RAB38: variants seen among roughly 807,000 people sequenced by gnomAD.
RAB38 encodes ras-related protein Rab-38.
A neutral mutation model predicts 18.4 loss-of-function variants in RAB38; 15 were observed. That is an observed-to-expected ratio of 0.82 (90% CI 0.55 to 1.26). The LOEUF is 1.26. Ranked by LOEUF, RAB38 falls within the 50% of genes most tolerant of loss-of-function variation. The probability of loss-of-function intolerance (pLI) is 0.00; values close to 1 mark genes in which losing one functional copy is unlikely to be tolerated. For synonymous variants in RAB38, 101 were observed against 104.4 expected (o/e 0.97, Z 0.20); for missense variants, 294 against 267.4 (o/e 1.10, Z -0.69).
At chr11:88,122,396 A>C (rs1942641731) in intron 2 of RAB38, among the ~76,000 whole-genome samples, 1 of 152,268 alleles carries the variant, frequency 6.6e-6, no homozygotes, top group African/African-American at 2.4e-5. Flanking sequence ...AAAGATAAGC[A>C]TAAAGATTAT....
the RAB38 span, among the ~76,000 whole-genome samples, chr11:87,858,734 G>C: frequency 1.3e-5 from 2 of 151,976 alleles, no homozygotes; most frequent in East Asian, 3.9e-4. Flanking sequence ...ATGATGGACT[G>C]GTAACAATGG....
At chr11:87,978,009 T>TTA in the RAB38 span, among the ~76,000 whole-genome samples, 1,195 of 61,412 alleles carry the variant, frequency 0.019, 39 homozygotes, top group Middle Eastern at 0.1. Context: ...TATTTTAATA[T>TTA]TATATAAATA....
At chr11:88,067,794 T>C in the RAB38 span, among the ~76,000 whole-genome samples, 12 of 151,928 alleles carry the variant, frequency 7.9e-5, no homozygotes, top group African/African-American at 2.9e-4. Context: ...AAATACCTAA[T>C]GTATGTGGAG....
chr11:87,805,653 TTATG>T, the RAB38 span, among the ~76,000 whole-genome samples: 2 of 148,878 alleles, frequency 1.3e-5, no homozygotes, highest in South Asian at 2.2e-4. Flanking sequence ...ATATACACAT[TTATG>T]TATGTGTATA....
the RAB38 span, among the ~76,000 whole-genome samples, chr11:87,885,492 C>A: frequency 3.3e-5 from 5 of 152,108 alleles, no homozygotes; most frequent in East Asian, 9.8e-4. Flanking sequence ...AGCCTAGGCA[C>A]GAAATGAGAG....
chr11:87,860,335 T>C, the RAB38 span, among the ~76,000 whole-genome samples: 1 of 151,970 alleles, frequency 6.6e-6, no homozygotes, highest in Admixed American at 6.6e-5. Context: ...GAAATGATAA[T>C]ATTGCCAAAT....
At chr11:87,823,916 T>A in the RAB38 span, among the ~76,000 whole-genome samples, 1 of 152,184 alleles carries the variant, frequency 6.6e-6, no homozygotes, top group East Asian at 1.9e-4. Context: ...TAGTACACAA[T>A]GTCTGTGAAG....
the RAB38 span, among the ~76,000 whole-genome samples, chr11:87,975,573 T>G: frequency 6.6e-6 from 1 of 151,866 alleles, no homozygotes. Flanking sequence ...CCTAACAATC[T>G]TTAATAGACA....
the RAB38 span, among the ~76,000 whole-genome samples, chr11:87,839,026 G>C: frequency 1.3e-5 from 2 of 152,166 alleles, no homozygotes; most frequent in Admixed American, 1.3e-4. Context: ...ACTATGCTAT[G>C]TTACTTTAGT....
At chr11:88,040,703 AAACAACAACAACAACAACAACAAC>A in the RAB38 span, among the ~76,000 whole-genome samples, 2 of 149,036 alleles carry the variant, frequency 1.3e-5, no homozygotes, top group Non-Finnish European at 3.0e-5. Flanking sequence ...ACCCTGTCTC[AAACAACAACAACAACAACAACAAC>A]AACAACAACA....
At chr11:88,021,635 G>A in the RAB38 span, among the ~76,000 whole-genome samples, 1 of 149,432 alleles carries the variant, frequency 6.7e-6, no homozygotes, top group Non-Finnish European at 1.5e-5. Flanking sequence ...CCGTCACTCA[G>A]GCTGAGGTGC....
chr11:88,169,901 T>C (rs745438479), intron 1 of RAB38, among the ~76,000 whole-genome samples: 5 of 152,238 alleles, frequency 3.3e-5, no homozygotes, highest in African/African-American at 4.8e-5. Flanking sequence ...GTAAATCTTA[T>C]TCAATTATTA....
the RAB38 span, among the ~76,000 whole-genome samples, chr11:87,947,484 A>G: frequency 6.6e-6 from 1 of 152,144 alleles, no homozygotes; most frequent in Non-Finnish European, 1.5e-5. Flanking sequence ...CCTGAATGGT[A>G]TTGCCTAGGG....
At chr11:87,908,909 C>T in the RAB38 span, among the ~76,000 whole-genome samples, 68 of 151,848 alleles carry the variant, frequency 4.5e-4, 1 homozygote, top group South Asian at 1.9e-3. Flanking sequence ...AAAATTTTTC[C>T]TCATATTGAT....
the RAB38 span, among the ~76,000 whole-genome samples, chr11:88,020,367 T>G: frequency 2.6e-5 from 4 of 152,164 alleles, no homozygotes; most frequent in Non-Finnish European, 5.9e-5. Context: ...AAGGTCATTA[T>G]ATAATGATAA....
rs574208398 is a variant in RAB38, at chr11:88,147,992, C to T, written c.483+1683G>A. On this transcript the variant is annotated intron_variant, in intron 2 of 2. Transcript: ENST00000243662. ...CATACCTTTCAGTTGTGCTGTCTCC[C>T]CTTACAGCAAGAAATCCTTCAACCA... Among the ~76,000 whole-genome samples, 224 of 152,214 alleles carry T rather than the reference C, an allele frequency of 1.5e-3. 2 individuals carry two copies. The highest frequency in any genetic ancestry group is 5.2e-3 in the African/African-American group (215 of 41,528).
the RAB38 span, among the ~76,000 whole-genome samples, chr11:88,094,482 C>G: frequency 6.6e-6 from 1 of 151,922 alleles, no homozygotes; most frequent in Non-Finnish European, 1.5e-5. Context: ...ATCCTTTGAT[C>G]CCACCTGTGC....
chr11:87,952,116 A>G, the RAB38 span, among the ~76,000 whole-genome samples: 5 of 152,082 alleles, frequency 3.3e-5, no homozygotes, highest in South Asian at 2.1e-4. Flanking sequence ...TGCATCCCCA[A>G]GCAGGTCATT....
At chr11:87,960,914 T>C in the RAB38 span, among the ~76,000 whole-genome samples, 1 of 152,098 alleles carries the variant, frequency 6.6e-6, no homozygotes. Flanking sequence ...ACGTGGAGGA[T>C]GGACTCAGTA....
Sources: allele counts gnomAD v4.1 joint callset (sites outside exome capture counted in the v4.1 genomes callset), GRCh38; gene constraint gnomAD v4.1.1; transcripts MANE v1.5; gene names NCBI Gene and HGNC (gene_info 2026-07-23, HGNC 2026-07-21).